SLC8A3: variants seen among roughly 807,000 people sequenced by gnomAD.
The protein encoded by SLC8A3 is sodium/calcium exchanger 3.
A neutral mutation model predicts 65.4 loss-of-function variants in SLC8A3; 37 were observed. The ratio of observed to expected loss-of-function variants is 0.57; its 90% CI spans 0.44 to 0.74. The LOEUF is 0.74. SLC8A3 is among the 30% of genes least tolerant of loss of function. The pLI is 0.00. For synonymous variants in SLC8A3, 461 were observed against 444.5 expected, an observed-to-expected ratio of 1.04 and a Z score of -0.47; for missense variants, 1,112 against 1,172.1, an observed-to-expected ratio of 0.95 and a Z score of 0.75.
intron 2 of SLC8A3, among the ~76,000 whole-genome samples, chr14:70,140,364 T>C (rs1895484602): frequency 6.6e-6 from 1 of 152,140 alleles, no homozygotes; most frequent in Non-Finnish European, 1.5e-5. Flanking sequence ...ACAACCTTCA[T>C]TGAACAGATG....
rs767875445 is a variant in SLC8A3 at position 70,097,811 on chromosome 14, G to C, written c.1785-36872C>G. On this transcript the variant is annotated intron_variant, in intron 2 of 6. Transcript: ENST00000356921. ...CTTTAAAGTACAGGGGCAGGTGAGG[G>C]CATAGTCTGGCTGAAAAGCACAAGC... is the stretch of plus-strand genomic sequence containing the variant. Among the ~76,000 whole-genome samples, 5 of 152,212 alleles carry C rather than the reference G, an allele frequency of 3.3e-5. No homozygotes were observed. The South Asian group carries it at 1.0e-3, about 32-fold the overall frequency.
chr14:70,130,041 T>A (rs79574941), intron 2 of SLC8A3, among the ~76,000 whole-genome samples: 1,708 of 152,290 alleles, frequency 0.011, 26 homozygotes, highest in African/African-American at 0.035. Flanking sequence ...GTCCAGTGAA[T>A]CTTCTCACTC....
intron 2 of SLC8A3, among the ~76,000 whole-genome samples, chr14:70,158,775 A>T (rs1332776029): frequency 6.6e-6 from 1 of 152,214 alleles, no homozygotes. Flanking sequence ...CACCACATTC[A>T]ACTTTAAATT....
intron 2 of SLC8A3, among the ~76,000 whole-genome samples, chr14:70,094,371 C>T (rs1892013202): frequency 6.6e-6 from 1 of 152,204 alleles, no homozygotes; most frequent in African/African-American, 2.4e-5. Context: ...TGGTATAGAA[C>T]AGGTGCTCCA....
At chr14:70,171,443 A>G (rs903927527) in intron 1 of SLC8A3, among the ~76,000 whole-genome samples, 3 of 152,222 alleles carry the variant, frequency 2.0e-5, no homozygotes, top group African/African-American at 7.2e-5. Context: ...TATGATCAGA[A>G]TCAGAGGCCA....
At chr14:70,053,849 ATTCTAGT>A (rs1887770574) in intron 3 of SLC8A3, among the ~76,000 whole-genome samples, 1 of 152,080 alleles carries the variant, frequency 6.6e-6, no homozygotes, top group Non-Finnish European at 1.5e-5. Context: ...CTTTAAGTTA[ATTCTAGT>A]TTCTAGTTTC....
chr14:70,172,159 C>G (rs1443946795), intron 1 of SLC8A3, among the ~76,000 whole-genome samples: 1 of 152,102 alleles, frequency 6.6e-6, no homozygotes. Context: ...TTTCCCCCAC[C>G]CAGGACCACC....
intron 2 of SLC8A3, among the ~76,000 whole-genome samples, chr14:70,139,304 G>A (rs1895415532): frequency 6.6e-6 from 1 of 152,204 alleles, no homozygotes; most frequent in African/African-American, 2.4e-5. Flanking sequence ...GTGAAGGGGT[G>A]CCAGCAAAAT....
At chr14:70,092,878 C>T (rs1891901116) in intron 2 of SLC8A3, among the ~76,000 whole-genome samples, 1 of 152,226 alleles carries the variant, frequency 6.6e-6, no homozygotes. Context: ...TGAATTCAAG[C>T]TGGGTGTCTG....
chr14:70,052,410 T>G (rs534272262), intron 3 of SLC8A3, among the ~76,000 whole-genome samples: 2 of 152,240 alleles, frequency 1.3e-5, no homozygotes, highest in South Asian at 4.1e-4. Flanking sequence ...AGACACTCAG[T>G]GAGATGTTGG....
intron 2 of SLC8A3, among the ~76,000 whole-genome samples, chr14:70,062,904 C>T (rs1888977037): frequency 6.6e-6 from 1 of 152,142 alleles, no homozygotes; most frequent in African/African-American, 2.4e-5. Context: ...TACTGGAGGG[C>T]ATGAGGGACA....
Position 70,188,606 on chromosome 14 carries a change from CG to C in SLC8A3, c.-291del, listed in dbSNP as rs1883552984. 1 of 152,200 alleles carries C rather than the reference CG, an allele frequency of 6.6e-6. No homozygotes were observed. The highest frequency in any genetic ancestry group is 1.5e-5 in the Non-Finnish European group (1 of 68,092). The allele number at this position is 152,200 out of a possible 1,614,324, so 9.4% of individuals were successfully genotyped here. On this transcript the variant is annotated 5_prime_UTR_variant, in exon 1 of 7. Coordinates refer to ENST00000356921, the MANE Select transcript of SLC8A3 (RefSeq NM_182932.3). The stretch of plus-strand genomic sequence containing the variant: ...GCTGCGGGGCAGCGCATCTGGAGCG[CG>C]GGGTCTGGGAGGGAGGGTGTCTGGG...
At chr14:70,115,771 A>C (rs1382144108) in intron 2 of SLC8A3, among the ~76,000 whole-genome samples, 2 of 152,178 alleles carry the variant, frequency 1.3e-5, no homozygotes, top group African/African-American at 4.8e-5. Context: ...AATTCTGTCA[A>C]CTGTGACCTG....
chr14:70,092,512 T>C (rs537897697), intron 2 of SLC8A3, among the ~76,000 whole-genome samples: 80 of 152,272 alleles, frequency 5.3e-4, no homozygotes, highest in African/African-American at 1.8e-3. Flanking sequence ...TCACCTAGAG[T>C]GTCAACCTCC....
chr14:70,179,124 AAAC>A (rs1436592223), intron 1 of SLC8A3, among the ~76,000 whole-genome samples: 1 of 152,174 alleles, frequency 6.6e-6, no homozygotes, highest in African/African-American at 2.4e-5. Context: ...TCTCTACTTG[AAAC>A]AACCTTACCC....
intron 2 of SLC8A3, among the ~76,000 whole-genome samples, chr14:70,146,497 T>G (rs1308042908): frequency 6.6e-6 from 1 of 152,214 alleles, no homozygotes; most frequent in African/African-American, 2.4e-5. Context: ...GCAGAGCTCT[T>G]GCTCCTGACC....
chr14:70,051,575 A>G (rs571632870), intron 4 of SLC8A3, among the ~76,000 whole-genome samples: 4 of 152,334 alleles, frequency 2.6e-5, no homozygotes, highest in Admixed American at 2.0e-4. Context: ...TGCTGAGATT[A>G]CAGGCGTGAG....
intron 2 of SLC8A3, among the ~76,000 whole-genome samples, chr14:70,146,602 A>G (rs1391245582): frequency 1.3e-5 from 2 of 152,194 alleles, no homozygotes; most frequent in African/African-American, 4.8e-5. Flanking sequence ...TATATATTAG[A>G]GTATATTTAT....
At chr14:70,162,212 A>G (rs931398063) in intron 2 of SLC8A3, among the ~76,000 whole-genome samples, 1 of 152,198 alleles carries the variant, frequency 6.6e-6, no homozygotes, top group Non-Finnish European at 1.5e-5. Context: ...CATTTTATTG[A>G]TGGATAAAAG....
Sources: gnomAD v4.1 joint callset for allele counts (sites outside exome capture counted in the v4.1 genomes callset) on GRCh38, gnomAD v4.1.1 for gene constraint, MANE v1.5 for transcripts, NCBI Gene and HGNC (gene_info 2026-07-23, HGNC 2026-07-21) for gene names.